Variants in ARHGAP39 observed in about 807,000 individuals in gnomAD.
ARHGAP39 encodes the protein Rho GTPase activating protein 39.
A neutral mutation model predicts 106.9 loss-of-function variants in ARHGAP39; 44 were observed. That is an observed-to-expected ratio of 0.41 (90% confidence interval 0.32 to 0.53). The LOEUF is 0.53. ARHGAP39 is among the 20% of genes least tolerant of loss of function. The probability of loss-of-function intolerance (pLI) is 0.21; values close to 1 mark genes in which losing one functional copy is unlikely to be tolerated. For missense variants in ARHGAP39, 1,496 were observed against 1,577.3 expected (o/e 0.95, Z 0.87); for synonymous variants, 768 against 693.2 (o/e 1.11, Z -1.69).
At chr8:144,692,170 CTT>C in the ARHGAP39 span, among the ~76,000 whole-genome samples, 2 of 152,282 alleles carry the variant, frequency 1.3e-5, no homozygotes, top group South Asian at 2.1e-4. Flanking sequence ...CCACTTCCCT[CTT>C]TCTCTCTCTG....
chr8:144,657,751 G>A (rs1300994800), intron 1 of ARHGAP39, among the ~76,000 whole-genome samples: 1 of 151,970 alleles, frequency 6.6e-6, no homozygotes, highest in African/African-American at 2.4e-5. Context: ...TATAAGCTTC[G>A]CAAAACAGGC....
At chr8:144,568,430 T>C (rs1414354414) in intron 3 of ARHGAP39, among the ~76,000 whole-genome samples, 1 of 151,252 alleles carries the variant, frequency 6.6e-6, no homozygotes, top group African/African-American at 2.4e-5. Flanking sequence ...TCAGTAAATG[T>C]TACATGAAGT....
Position 144,530,372 on chromosome 8 carries a change from C to G in ARHGAP39, c.*50G>C. On this transcript the variant is annotated 3_prime_UTR_variant, in exon 12 of 12. Transcript: ENST00000377307. ...CTGCCGGGAGAGCGAGTGCGGAGTTCGGCCTGGCTGGGGGCGGCAGGACAT... is the reference window on the plus strand; with the variant it reads ...CTGCCGGGAGAGCGAGTGCGGAGTTGGGCCTGGCTGGGGGCGGCAGGACAT... 2.0e-6 allele frequency: 3 copies of G among 1,529,972 alleles called. No homozygotes were observed. Among genetic ancestry groups the G allele is most frequent in the Non-Finnish European group, 2.7e-6 (3 of 1,130,694 alleles). The allele number at this position is 1,529,972 out of a possible 1,614,324, so 94.8% of individuals were successfully genotyped here.
intron 3 of ARHGAP39, among the ~76,000 whole-genome samples, chr8:144,564,716 C>G (rs1055214942): frequency 2.0e-5 from 3 of 151,886 alleles, no homozygotes; most frequent in African/African-American, 7.3e-5. Context: ...CATGGAGACT[C>G]ACGCCTATAA....
At chr8:144,580,176 C>T (rs1818918393) in intron 3 of ARHGAP39, among the ~76,000 whole-genome samples, 1 of 152,154 alleles carries the variant, frequency 6.6e-6, no homozygotes, top group Non-Finnish European at 1.5e-5. Context: ...CTCCCACCAA[C>T]ACAGGCTGTG....
chr8:144,692,782 G>A, the ARHGAP39 span, among the ~76,000 whole-genome samples: 318 of 137,332 alleles, frequency 2.3e-3, 3 homozygotes, highest in African/African-American at 8.3e-3. Flanking sequence ...TTGGTGAGAC[G>A]GAGATTTACT....
At chr8:144,648,640 GTGCCAC>G (rs1821502035) in intron 1 of ARHGAP39, among the ~76,000 whole-genome samples, 1 of 152,246 alleles carries the variant, frequency 6.6e-6, no homozygotes, top group South Asian at 2.1e-4. Context: ...TGCTCAGCCA[GTGCCAC>G]TGTAGAGACG....
intron 3 of ARHGAP39, among the ~76,000 whole-genome samples, chr8:144,556,712 T>C (rs1227559372): frequency 1.1e-4 from 14 of 128,750 alleles, no homozygotes; most frequent in African/African-American, 4.2e-4. Context: ...ACCTTCATAG[T>C]ATTCAGAGGC....
chr8:144,601,488 CTGTG>C (rs374332171), intron 2 of ARHGAP39, among the ~76,000 whole-genome samples: 17 of 109,818 alleles, frequency 1.5e-4, no homozygotes, highest in Admixed American at 4.1e-4. Context: ...GCTCATGTAC[CTGTG>C]TGTGTGTGCG....
At chr8:144,605,831 A>T (rs1395347523) in intron 1 of ARHGAP39, 136 bp from the exon 2 acceptor site, 3 of 585,612 alleles carry the variant, frequency 5.1e-6, no homozygotes. Flanking sequence ...GCCCCCGGGC[A>T]GCCAACCCCA....
rs1219865024 is a variant in ARHGAP39 at position 144,591,963 on chromosome 8, G to C, written c.81-10686C>G. Among the ~76,000 whole-genome samples the C allele has an allele frequency of 6.6e-6, 1 of 152,110 alleles. No homozygotes were observed. The highest frequency in any genetic ancestry group is 2.1e-4 in the South Asian group (1 of 4,826). On this transcript the variant is annotated intron_variant, in intron 2 of 11. Transcript: ENST00000377307. This position sits in a 1 kb window ranked among gnomAD's most constrained non-coding sequence, Gnocchi z 5.3. The stretch of plus-strand genomic sequence containing the variant: ...GTGGTGCCTGATCTCCTGTTCTCGC[G>C]TCACTTCTGTTAGATTTTAGCAGAA...
intron 1 of ARHGAP39, among the ~76,000 whole-genome samples, chr8:144,626,569 C>G (rs111421613): frequency 9.4e-6 from 1 of 106,686 alleles, no homozygotes; most frequent in African/African-American, 4.1e-5. Flanking sequence ...CACGGAGCAC[C>G]CACTGCACAC....
chr8:144,545,828 G>T lies in ARHGAP39; in HGVS notation c.1960-18C>A. 6.7e-7 allele frequency: 1 copy of T among 1,498,904 alleles called. No individual in the cohort carries two copies. The allele number at this position is 1,498,904 out of a possible 1,614,324, so 92.9% of individuals were successfully genotyped here. Reference sequence around the variant, plus strand: ...TCCTCAGACTGAGAAGGACAAATGCGGCTGGGCTGTTGGGGGTGGGGGAGG... The same window carrying T: ...TCCTCAGACTGAGAAGGACAAATGCTGCTGGGCTGTTGGGGGTGGGGGAGG... On this transcript the variant is annotated intron_variant, in intron 5 of 11. Coordinates refer to ENST00000377307, the MANE Select transcript of ARHGAP39 (RefSeq NM_025251.3).
chr8:144,661,696 G>A (rs1055442753), intron 1 of ARHGAP39, among the ~76,000 whole-genome samples: 1 of 152,034 alleles, frequency 6.6e-6, no homozygotes, highest in Non-Finnish European at 1.5e-5. Context: ...ATGAATGAAC[G>A]AGACGGGGTT....
the ARHGAP39 span, among the ~76,000 whole-genome samples, chr8:144,694,748 A>T: frequency 1.3e-5 from 2 of 152,284 alleles, no homozygotes; most frequent in African/African-American, 4.8e-5. Flanking sequence ...GAATCTTATG[A>T]TAACATTTCA....
chr8:144,535,662 G>A (rs1352683800), intron 7 of ARHGAP39, among the ~76,000 whole-genome samples: 2 of 152,192 alleles, frequency 1.3e-5, no homozygotes, highest in Non-Finnish European at 2.9e-5. Flanking sequence ...CTGTCCCTGC[G>A]GGAAGACAGG....
chr8:144,644,548 C>T lies in ARHGAP39; in HGVS notation c.-81-38853G>A, dbSNP rs1057188459. 3.9e-5 allele frequency among the ~76,000 whole-genome samples: 6 copies of T among 152,316 alleles called. No individual in the cohort carries two copies. The highest frequency in any genetic ancestry group is 8.8e-5 in the Non-Finnish European group (6 of 68,028). On this transcript the variant is annotated intron_variant, in intron 1 of 11. Transcript: ENST00000377307. The surrounding 1 kb of genome is among the most constrained non-coding windows in gnomAD (Gnocchi z 4.8). Reference sequence around the variant, plus strand: ...AATTTTTTATATATAAATTATACCTCCATAATTGAAACACTGCCAAATGCA... The same window carrying T: ...AATTTTTTATATATAAATTATACCTTCATAATTGAAACACTGCCAAATGCA...
chr8:144,636,264 G>A (rs1445826048), intron 1 of ARHGAP39, among the ~76,000 whole-genome samples: 2 of 152,240 alleles, frequency 1.3e-5, no homozygotes, highest in Non-Finnish European at 2.9e-5. Context: ...CTTACGGGGT[G>A]AGTGCAGAAG....
intron 2 of ARHGAP39, among the ~76,000 whole-genome samples, chr8:144,603,561 G>A (rs1444929398): frequency 2.6e-5 from 4 of 151,788 alleles, no homozygotes; most frequent in South Asian, 4.2e-4. Flanking sequence ...GTGGTGGTGC[G>A]CACCTGTAAT....
Sources: gnomAD v4.1 joint callset for allele counts (sites outside exome capture counted in the v4.1 genomes callset) on GRCh38, gnomAD v4.1.1 for gene constraint, Gnocchi (gnomAD v3.1) non-coding constraint, MANE v1.5 for transcripts, NCBI Gene and HGNC (gene_info 2026-07-23, HGNC 2026-07-21) for gene names.